The following MYSM1 variants were observed in gnomAD, a reference collection of about 807,000 sequenced individuals.
MYSM1 encodes Myb like, SWIRM and MPN domains 1, also known as deubiquitinase MYSM1.
MYSM1 carries 51 observed loss-of-function variants against 116.0 expected under a neutral mutation model. The ratio of observed to expected loss-of-function variants is 0.44; its 90% CI spans 0.35 to 0.56. The LOEUF (loss-of-function observed/expected upper bound fraction) is 0.56. Ranked by LOEUF, MYSM1 falls within the 20% of genes least tolerant of loss-of-function variation. The probability of loss-of-function intolerance (pLI) is 0.00; values close to 1 mark genes in which losing one functional copy is unlikely to be tolerated. For synonymous variants in MYSM1, 313 were observed against 315.2 expected (o/e 0.99, Z 0.07); for missense variants, 900 against 974.9 (o/e 0.92, Z 1.02).
chr1:58,682,917 G>A (rs555549720), intron 7 of MYSM1, among the ~76,000 whole-genome samples: 9 of 152,132 alleles, frequency 5.9e-5, no homozygotes, highest in South Asian at 2.1e-4. Flanking sequence ...GGATGGTCTC[G>A]ATCTCCTGAC....
chr1:58,658,276 T>C lies in MYSM1; in HGVS notation c.*1721A>G, dbSNP rs1043895637. On this transcript the variant is annotated 3_prime_UTR_variant, in exon 20 of 20. Coordinates refer to ENST00000472487, the MANE Select transcript of MYSM1 (RefSeq NM_001085487.3). ...CTCAGCCCTCAAACTAATTGTTTTA[T>C]AAGCTATACTTCACTGTTTATCCTA... 1.3e-5 allele frequency: 2 copies of C among 152,160 alleles called. No homozygotes were observed. The highest frequency in any genetic ancestry group is 2.9e-5 in the Non-Finnish European group (2 of 68,022). 9.4% of individuals were successfully genotyped at this position (152,160 alleles called of 1,614,324 possible). A position where few individuals can be genotyped will look rare whatever the true frequency, so the allele number is the denominator to read the frequency against.
intron 3 of MYSM1, chr1:58,692,641 A>G: frequency 2.5e-6 from 1 of 394,288 alleles, no homozygotes; most frequent in South Asian, 6.4e-5. Flanking sequence ...GGCTAGTGAC[A>G]GAAACTCAAA....
rs936102846 is a variant in MYSM1, at chr1:58,658,930, T to C, written c.*1067A>G. 1 of 148,198 alleles carries C rather than the reference T, an allele frequency of 6.7e-6. No homozygotes were observed. The highest frequency in any genetic ancestry group is 1.5e-5 in the Non-Finnish European group (1 of 67,230). The allele number at this position is 148,198 out of a possible 1,614,324, so 9.2% of individuals were successfully genotyped here. On this transcript the variant is annotated 3_prime_UTR_variant, in exon 20 of 20. Transcript: ENST00000472487. ...TTTTATGAGGCCTGTGAGTTAACAA[T>C]GGTTTTTATCATTTTAAAGGGCTGT... is the stretch of plus-strand genomic sequence containing the variant.
Position 58,673,583 on chromosome 1 carries a change from T to C in MYSM1, c.1562A>G (p.Gln521Arg), listed in dbSNP as rs1473233872. ...NWCDAKDLEG[Q>R]TFEHLSAEEL... ...AAAGGTCAAAGTTACCTCAAACGTT[T>C]GTCCTTCTAAGTCCTTTGCATCACA... The change falls in exon 11 of 20, where the codon CAA becomes CGA. Residue 521 changes from glutamine (Q) to arginine (R), a missense_variant. This residue lies in a region of MYSM1 where 622 missense variants were observed against 623.7 expected (regional missense o/e 1.00). Transcript: ENST00000472487. 14 of 1,614,086 alleles carry C rather than the reference T, an allele frequency of 8.7e-6. No individual in the cohort carries two copies. The highest frequency in any genetic ancestry group is 1.2e-5 in the Non-Finnish European group (14 of 1,179,954).
chr1:58,694,949 A>G (rs978667444), intron 2 of MYSM1, among the ~76,000 whole-genome samples, 180 bp downstream of exon 2: 1 of 152,130 alleles, frequency 6.6e-6, no homozygotes, highest in African/African-American at 2.4e-5. Context: ...CCATTTTTCA[A>G]TGTCAAAAGA....
chr1:58,674,926 C>CAAAAAAAAAAAAAA (rs1223507192), intron 10 of MYSM1, among the ~76,000 whole-genome samples: 1 of 58,136 alleles, frequency 1.7e-5, no homozygotes, highest in Non-Finnish European at 3.7e-5. Context: ...GACTCTGTCT[C>CAAAAAAAAAAAAAA]AAAAAAAAAA....
At chr1:58,699,906 G>A (rs1557531367) in intron 1 of MYSM1, 79 bp downstream of exon 1, 1 of 1,600,150 alleles carries the variant, frequency 6.2e-7, no homozygotes, top group African/African-American at 1.3e-5. Flanking sequence ...TCCCTTGCCG[G>A]ACCTGCAGCT....
intron 1 of MYSM1, 105 bp from the exon 2 acceptor site, chr1:58,695,312 A>ATTTG: frequency 1.7e-5 from 4 of 233,264 alleles, no homozygotes; most frequent in Non-Finnish European, 3.2e-5. Flanking sequence ...CTAAGCAAAT[A>ATTTG]CTTAGTTCCC....
chr1:58,682,333 G>A lies in MYSM1; in HGVS notation c.711C>T (p.Pro237=), dbSNP rs1488611449. The A allele has an allele frequency of 6.2e-7, 1 of 1,613,956 alleles. No homozygotes were observed. The highest frequency in any genetic ancestry group is 2.2e-5 in the East Asian group (1 of 44,866). ...DEVDELSSQT[P]QKNSSSDLLL... ...AGAGATCACTGCTAGAATTCTTCTG[G>A]GGTGTTTGAGAAGACAACTCGTCCA... Residue 237 remains proline, a synonymous_variant, in exon 8 of 20, where the codon CCC becomes CCT. Coordinates refer to ENST00000472487, the MANE Select transcript of MYSM1 (RefSeq NM_001085487.3).
chr1:58,674,249 C>T (rs776006048), intron 10 of MYSM1, among the ~76,000 whole-genome samples: 14 of 152,176 alleles, frequency 9.2e-5, no homozygotes, highest in Non-Finnish European at 1.8e-4. Flanking sequence ...CAAGAACACA[C>T]AGCAAGAGGT....
chr1:58,669,853 A>C (rs563848972), intron 12 of MYSM1, among the ~76,000 whole-genome samples: 2,305 of 148,286 alleles, frequency 0.016, 135 homozygotes, highest in Middle Eastern at 0.031. Flanking sequence ...AAAAAAAAAA[A>C]AAAAAAAAAC....
At chr1:58,665,707 T>C (rs886409268) in intron 16 of MYSM1, 76 bp from the exon 17 acceptor site, 19 of 1,008,072 alleles carry the variant, frequency 1.9e-5, no homozygotes, top group Middle Eastern at 4.8e-4. Flanking sequence ...ACTAACATTT[T>C]AAACATCTAA....
chr1:58,690,046 G>C, intron 5 of MYSM1, 180 bp downstream of exon 5: 1 of 529,722 alleles, frequency 1.9e-6, no homozygotes, highest in Non-Finnish European at 3.2e-6. Context: ...ATTCTGGCAA[G>C]TAAATAACAC....
rs763360736 is a variant in MYSM1, at chr1:58,675,491, G to T, written c.1480C>A (p.Arg494Ser). The T allele has an allele frequency of 1.2e-6, 2 of 1,610,892 alleles. No individual in the cohort carries two copies. Among genetic ancestry groups the T allele is most frequent in the Admixed American group, 3.3e-5 (2 of 59,816 alleles). The change falls in exon 10 of 20, where the codon CGT becomes AGT. Residue 494 changes from arginine (R) to serine (S), a missense_variant. Physicochemically the swap from Arg to Ser is moderately radical, Grantham distance 110 (BLOSUM62 -1). Transcript: ENST00000472487. ...TGACTGCTTACCATAGACTGCAGAC[G>T]CTGGGCAAGTTGGTATGCTTCTACT... Reference protein sequence around the residue: ...DAVEAYQLAQRLQSMRTRRRR... With the variant: ...DAVEAYQLAQSLQSMRTRRRR...
chr1:58,690,750 T>C (rs1273696758), intron 3 of MYSM1, among the ~76,000 whole-genome samples: 2 of 152,076 alleles, frequency 1.3e-5, no homozygotes, highest in African/African-American at 4.8e-5. Context: ...AAAATTCTTC[T>C]TCCAGTGTGG....
At chr1:58,673,405 A>G (rs1024140692) in intron 11 of MYSM1, among the ~76,000 whole-genome samples, 168 bp downstream of exon 11, 1 of 152,238 alleles carries the variant, frequency 6.6e-6, no homozygotes, top group Non-Finnish European at 1.5e-5. Flanking sequence ...TGCACCACCA[A>G]TGCCTTCTAC....
chr1:58,673,698 G>A, intron 10 of MYSM1, 48 bp from the exon 11 acceptor site: 2 of 1,456,526 alleles, frequency 1.4e-6, no homozygotes, highest in Non-Finnish European at 1.9e-6. Context: ...TTAATATGGA[G>A]AAATCATAGC....
intron 16 of MYSM1, 46 bp downstream of exon 16, chr1:58,666,992 G>A (rs1644483816): frequency 5.3e-6 from 6 of 1,126,552 alleles, no homozygotes; most frequent in Middle Eastern, 2.3e-4. Flanking sequence ...AGGGAGCATT[G>A]AGGGGGTGTG....
chr1:58,676,139 T>A (rs924385563), intron 9 of MYSM1, among the ~76,000 whole-genome samples: 14 of 152,154 alleles, frequency 9.2e-5, no homozygotes, highest in African/African-American at 2.9e-4. Flanking sequence ...AGAGTAGAGG[T>A]CAGGCGCGGT....
Sources: gnomAD v4.1 joint callset for allele counts (sites outside exome capture counted in the v4.1 genomes callset) on GRCh38, gnomAD v4.1.1 for gene constraint, gnomAD v4.1.1 regional missense constraint, MANE v1.5 for transcripts, NCBI Gene and HGNC (gene_info 2026-07-23, HGNC 2026-07-21) for gene names.